Variants in CIBAR2 observed in about 807,000 individuals in gnomAD.
CIBAR2 encodes CBY1 interacting BAR domain containing 2.
In CIBAR2, 38 loss-of-function variants were observed where a neutral mutation model predicts 36.2. The observed-to-expected ratio is 1.05, with a 90% confidence interval of 0.81 to 1.38. The LOEUF (loss-of-function observed/expected upper bound fraction) is 1.38, where lower values mean the gene tolerates loss of function less well. Ranked by LOEUF, CIBAR2 falls within the 40% of genes most tolerant of loss-of-function variation. CIBAR2 has a pLI of 0.00. For missense variants in CIBAR2, 481 were observed against 383.4 expected, an observed-to-expected ratio of 1.25 and a Z score of -2.13; for synonymous variants, 182 against 149.5, an observed-to-expected ratio of 1.22 and a Z score of -1.58.
At chr16:85,112,211 C>G in intron 1 of CIBAR2, 122 bp downstream of exon 1, 30 of 769,356 alleles carry the variant, frequency 3.9e-5, no homozygotes, top group Non-Finnish European at 4.5e-5. Flanking sequence ...AGGGAGAGCT[C>G]CCCTCACCCC....
chr16:85,106,532 T>C (rs959410817), intron 5 of CIBAR2, among the ~76,000 whole-genome samples: 1 of 151,970 alleles, frequency 6.6e-6, no homozygotes, highest in Admixed American at 6.6e-5. Flanking sequence ...AGGGGAAAGA[T>C]GTGACTACAG....
chr16:85,108,372 G>A (rs989031571), intron 2 of CIBAR2, among the ~76,000 whole-genome samples: 1 of 152,186 alleles, frequency 6.6e-6, no homozygotes, highest in Non-Finnish European at 1.5e-5. Flanking sequence ...CACCTACCAG[G>A]GTTTCAGGAC....
At chr16:85,106,235 C>G (rs1423825370) in intron 5 of CIBAR2, among the ~76,000 whole-genome samples, 1 of 152,074 alleles carries the variant, frequency 6.6e-6, no homozygotes, top group Non-Finnish European at 1.5e-5. Flanking sequence ...CCACGCTCAG[C>G]ACTAGTGTCC....
intron 8 of CIBAR2, among the ~76,000 whole-genome samples, 163 bp downstream of exon 8, chr16:85,099,976 C>A (rs980201098): frequency 6.6e-6 from 1 of 151,750 alleles, no homozygotes; most frequent in African/African-American, 2.4e-5. Context: ...CTGGTCAGAC[C>A]CCCGGGCAGC....
intron 8 of CIBAR2, 116 bp from the exon 9 acceptor site, chr16:85,099,462 C>G (rs750681727): frequency 3.0e-6 from 2 of 667,644 alleles, no homozygotes; most frequent in African/African-American, 3.6e-5. Flanking sequence ...CTGGAACCCG[C>G]GGGCCCACGG....
intron 2 of CIBAR2, among the ~76,000 whole-genome samples, chr16:85,108,534 C>T (rs889297291): frequency 5.3e-5 from 8 of 152,314 alleles, no homozygotes; most frequent in East Asian, 1.9e-4. Context: ...ACCCACTTTG[C>T]GGATGAGAAA....
Position 85,108,016 on chromosome 16 carries a change from G to C in CIBAR2, c.324+15C>G. Reference sequence around the variant, plus strand: ...AAGACAGGGATGCCACCCACACCGAGGTGCCCCGGCTCACCCGTGTCTGCT... The same window carrying C: ...AAGACAGGGATGCCACCCACACCGACGTGCCCCGGCTCACCCGTGTCTGCT... On this transcript the variant is annotated intron_variant, in intron 3 of 8. Transcript: ENST00000539556. 2 of 1,613,926 alleles carry C rather than the reference G, an allele frequency of 1.2e-6. No homozygotes were observed. The highest frequency in any genetic ancestry group is 1.7e-6 in the Non-Finnish European group (2 of 1,179,804).
chr16:85,102,548 A>T (rs2073964287), intron 6 of CIBAR2, among the ~76,000 whole-genome samples: 1 of 152,234 alleles, frequency 6.6e-6, no homozygotes, highest in Admixed American at 6.5e-5. Flanking sequence ...ACAGTGGCTT[A>T]TGCCTGTAAT....
rs2073927648 is a variant in CIBAR2, at chr16:85,098,425, G to A, written c.*760C>T. 3 of 580,412 alleles carry A rather than the reference G, an allele frequency of 5.2e-6. No individual in the cohort carries two copies. The highest frequency in any genetic ancestry group is 2.0e-5 in the African/African-American group (1 of 49,392). 36.0% of individuals were successfully genotyped at this position (580,412 alleles called of 1,614,324 possible). On this transcript the variant is annotated 3_prime_UTR_variant, in exon 9 of 9. Coordinates refer to ENST00000539556, the MANE Select transcript of CIBAR2 (RefSeq NM_198491.3). ...GCACAGCGATCCCCCAGAGCAACCT[G>A]TGAAGTGAGTGATATTGGCCCTGTT...
rs532365053 is a variant in CIBAR2, at chr16:85,107,521, T to G, written c.432+146A>C. 2.3e-5 allele frequency: 19 copies of G among 828,768 alleles called. No homozygotes were observed. The East Asian group carries it at 4.7e-4, about 20-fold the overall frequency. The allele number at this position is 828,768 out of a possible 1,614,324, so 51.3% of individuals were successfully genotyped here. ...TCTCCAGACCCCCAGAGCCCCTTTT[T>G]ACTGGTACCTTTGGCTTTCCCAACC... On this transcript the variant is annotated intron_variant, in intron 5 of 8. Transcript: ENST00000539556.
rs758093417 is a variant in CIBAR2 at position 85,102,268 on chromosome 16, C to T, written c.597G>A (p.Val199=). ...EMVFHAKAVE[V]YSSAFQTLEK... Reference sequence around the variant, plus strand: ...CCAGGGTCTGGAAGGCGCTAGAATACACCTCCACCGCTTTGGCATGGAAAA... The same window carrying T: ...CCAGGGTCTGGAAGGCGCTAGAATATACCTCCACCGCTTTGGCATGGAAAA... Residue 199 remains valine (V), a synonymous_variant, in exon 7 of 9, where the codon GTG becomes GTA. Coordinates refer to ENST00000539556, the MANE Select transcript of CIBAR2 (RefSeq NM_198491.3). The T allele has an allele frequency of 1.9e-6, 3 of 1,613,870 alleles. No homozygotes were observed. The highest frequency in any genetic ancestry group is 1.7e-5 in the Admixed American group (1 of 60,018).
chr16:85,108,237 CT>C, intron 2 of CIBAR2, 138 bp from the exon 3 acceptor site: 2 of 758,740 alleles, frequency 2.6e-6, no homozygotes, highest in Non-Finnish European at 4.2e-6. Flanking sequence ...GGTGCCCTCC[CT>C]TTTCCCGGTG....
chr16:85,107,905 T>C lies in CIBAR2; in HGVS notation c.367A>G (p.Lys123Glu). ...AGTTTCTCCAGTTTTTCCAGTTGTTTGATCTCATGATTTTGGACATGTTTG... is the reference window on the plus strand; with the variant it reads ...AGTTTCTCCAGTTTTTCCAGTTGTTCGATCTCATGATTTTGGACATGTTTG... Reference protein sequence around the residue: ...KFKHVQNHEIKQLEKLEKLRQ... With the variant: ...KFKHVQNHEIEQLEKLEKLRQ... The change falls in exon 4 of 9, where the codon AAA becomes GAA. Residue 123 changes from lysine (K) to glutamate (E), a missense_variant. Coordinates refer to ENST00000539556, the MANE Select transcript of CIBAR2 (RefSeq NM_198491.3). 1 of 1,614,214 alleles carries C rather than the reference T, an allele frequency of 6.2e-7. No homozygotes were observed. The highest frequency in any genetic ancestry group is 8.5e-7 in the Non-Finnish European group (1 of 1,180,010).
intron 7 of CIBAR2, among the ~76,000 whole-genome samples, chr16:85,101,804 G>A (rs1315853825): frequency 6.6e-6 from 1 of 151,960 alleles, no homozygotes; most frequent in African/African-American, 2.4e-5. Context: ...CGAGTAGCTG[G>A]GATTGCAGGT....
rs201802101 is a variant in CIBAR2 at position 85,105,336 on chromosome 16, C to T, written c.528G>A (p.Lys176=). Residue 176 remains lysine, a synonymous_variant, in exon 6 of 9, where the codon AAG becomes AAA. Coordinates refer to ENST00000539556, the MANE Select transcript of CIBAR2 (RefSeq NM_198491.3). ...TVDGFQRQKL[K]DLQKFFCDFV... is the part of the protein sequence containing the mutation. ...GGCCAACCACCCTCACCTGCAGGTC[C>T]TTGAGCTTCTGCCTCTGGAAGCCAT... 4.0e-4 allele frequency: 639 copies of T among 1,612,156 alleles called. 1 individual carries two copies. Among genetic ancestry groups the T allele is most frequent in the Non-Finnish European group, 1.0e-4 (118 of 1,179,186 alleles).
At chr16:85,103,666 G>A (rs528530126) in intron 6 of CIBAR2, among the ~76,000 whole-genome samples, 1 of 152,344 alleles carries the variant, frequency 6.6e-6, no homozygotes, top group East Asian at 1.9e-4. Context: ...TGTAGGCAGC[G>A]TGAGCACTAA....
At chr16:85,106,228 C>A (rs558822782) in intron 5 of CIBAR2, among the ~76,000 whole-genome samples, 1 of 152,092 alleles carries the variant, frequency 6.6e-6, no homozygotes, top group Non-Finnish European at 1.5e-5. Context: ...GGACTCCCCA[C>A]GCTCAGCACT....
intron 3 of CIBAR2, 21 bp downstream of exon 3, chr16:85,108,010 C>G: frequency 1.2e-6 from 2 of 1,613,892 alleles, no homozygotes; most frequent in South Asian, 2.2e-5. Flanking sequence ...ATGCCACCCA[C>G]ACCGAGGTGC....
Position 85,110,430 on chromosome 16 carries a change from G to T in CIBAR2, c.51C>A (p.Thr17=). Residue 17 remains threonine, a synonymous_variant, in exon 2 of 9, where the codon ACC becomes ACA. Coordinates refer to ENST00000539556, the MANE Select transcript of CIBAR2 (RefSeq NM_198491.3). The stretch of plus-strand genomic sequence containing the variant: ...CAAAGTACTTCTCGGTGTTGGCCAC[G>T]GTATTCTCCATCACCCTCACCTGGC... ...RDSQVRVMEN[T]VANTEKYFGQ... The T allele has an allele frequency of 6.2e-7, 1 of 1,609,530 alleles. No homozygotes were observed. The highest frequency in any genetic ancestry group is 1.1e-5 in the South Asian group (1 of 90,838).
Sources: gnomAD v4.1 joint callset for allele counts (sites outside exome capture counted in the v4.1 genomes callset) on GRCh38, gnomAD v4.1.1 for gene constraint, MANE v1.5 for transcripts, NCBI Gene and HGNC (gene_info 2026-07-23, HGNC 2026-07-21) for gene names.